ORC5: variants seen among roughly 807,000 people sequenced by gnomAD.
The protein encoded by ORC5 is origin recognition complex subunit 5, also known as protein phosphatase 1, regulatory subunit 117.
A neutral mutation model predicts 58.8 loss-of-function variants in ORC5; 39 were observed. The ratio of observed to expected loss-of-function variants is 0.66; its 90% CI spans 0.51 to 0.87. The LOEUF is 0.87. ORC5 is among the 40% of genes least tolerant of loss of function. ORC5 has a pLI of 0.00. For synonymous variants in ORC5, 218 were observed against 177.6 expected (o/e 1.23, Z -1.81); for missense variants, 493 against 506.3 (o/e 0.97, Z 0.25).
rs933709521 is a variant in ORC5, at chr7:104,138,367, T to C, written c.1150-1474A>G. 3.9e-5 allele frequency among the ~76,000 whole-genome samples: 6 copies of C among 152,196 alleles called. No individual in the cohort carries two copies. Among genetic ancestry groups the C allele is most frequent in the Non-Finnish European group, 8.8e-5 (6 of 68,022 alleles). The stretch of plus-strand genomic sequence containing the variant: ...ATATCTATCTAAATAACTCAGAATA[T>C]AAAATCTATACTCCTTTGGGTATAA... On this transcript the variant is annotated intron_variant, in intron 12 of 13. Coordinates refer to ENST00000297431, the MANE Select transcript of ORC5 (RefSeq NM_002553.4). The surrounding 1 kb of genome is among the most constrained non-coding windows in gnomAD (Gnocchi z 4.7).
Position 104,184,070 on chromosome 7 carries a change from CT to C in ORC5, c.734-38del, listed in dbSNP as rs763161122. The C allele has an allele frequency of 5.8e-5, 92 of 1,590,140 alleles. No individual in the cohort carries two copies. In the East Asian group the frequency reaches 2.1e-3, roughly 36 times the overall value. ...GGAAGAAAATTTCAGTAATTTATATCTTGTAAAAACCTTTCTCAAAATAAAT... is the reference window on the plus strand; with the variant it reads ...GGAAGAAAATTTCAGTAATTTATATCTGTAAAAACCTTTCTCAAAATAAAT... On this transcript the variant is annotated intron_variant, in intron 7 of 13. Coordinates refer to ENST00000297431, the MANE Select transcript of ORC5 (RefSeq NM_002553.4).
chr7:104,194,017 C>T (rs186818663), intron 5 of ORC5, among the ~76,000 whole-genome samples: 87 of 149,962 alleles, frequency 5.8e-4, no homozygotes, highest in East Asian at 4.1e-3. Context: ...TAATAATTTT[C>T]TTAAATTCTA....
intron 6 of ORC5, among the ~76,000 whole-genome samples, chr7:104,186,452 T>C (rs1438037075): frequency 6.6e-6 from 1 of 152,150 alleles, no homozygotes; most frequent in Non-Finnish European, 1.5e-5. Flanking sequence ...AAAATATGTT[T>C]AATAATTTAT....
At chr7:104,159,494 AAAAT>A (rs202094193) in intron 12 of ORC5, among the ~76,000 whole-genome samples, 2,589 of 150,886 alleles carry the variant, frequency 0.017, 74 homozygotes, top group African/African-American at 0.057. Flanking sequence ...AAAATAAAAT[AAAAT>A]AAATAAACTT....
At chr7:104,135,225 T>C (rs1798571408) in intron 13 of ORC5, among the ~76,000 whole-genome samples, 1 of 152,234 alleles carries the variant, frequency 6.6e-6, no homozygotes. Context: ...TCCAAATTTA[T>C]GCCTTGGATA....
chr7:104,201,627 TAA>T (rs59970161), intron 2 of ORC5, among the ~76,000 whole-genome samples: 14 of 131,364 alleles, frequency 1.1e-4, no homozygotes, highest in Admixed American at 1.6e-4. Context: ...CTGTCACTAT[TAA>T]AAAAAAAAAA....
chr7:104,167,689 G>A (rs1160788903), intron 9 of ORC5, among the ~76,000 whole-genome samples: 1 of 152,134 alleles, frequency 6.6e-6, no homozygotes, highest in Non-Finnish European at 1.5e-5. Flanking sequence ...CACTGTGTTA[G>A]GTGCTTTACT....
intron 8 of ORC5, among the ~76,000 whole-genome samples, chr7:104,178,102 G>A (rs961262822): frequency 6.6e-6 from 1 of 152,114 alleles, no homozygotes; most frequent in Non-Finnish European, 1.5e-5. Context: ...GGGATTGCTG[G>A]GTCAAATGGT....
chr7:104,166,826 A>T lies in ORC5; in HGVS notation c.936T>A (p.Ala312=). The change falls in exon 10 of 14, where the codon GCT becomes GCA. Residue 312 remains alanine, a synonymous_variant. Transcript: ENST00000297431. ...LPYYSKFILI[A]AYLASYNPAR... ...CTGGATTGTATGAAGCAAGGTATGC[A>T]GCAATTAGAATGAACTTAGAGTAAT... 1.9e-6 allele frequency: 3 copies of T among 1,613,264 alleles called. No individual in the cohort carries two copies. In the African/African-American group the frequency reaches 4.0e-5, roughly 21 times the overall value.
intron 12 of ORC5, among the ~76,000 whole-genome samples, chr7:104,140,898 A>G (rs1798663459): frequency 6.6e-6 from 1 of 152,208 alleles, no homozygotes; most frequent in Non-Finnish European, 1.5e-5. Flanking sequence ...CCTTTACTGA[A>G]AAGGTTTGCT....
intron 6 of ORC5, chr7:104,184,383 G>A: frequency 5.6e-6 from 3 of 533,994 alleles, no homozygotes; most frequent in Non-Finnish European, 9.9e-6. Context: ...AGGAGATCAA[G>A]CCTGTAGTGT....
intron 8 of ORC5, among the ~76,000 whole-genome samples, chr7:104,179,131 A>G (rs1423482299): frequency 7.0e-6 from 1 of 143,158 alleles, no homozygotes; most frequent in Admixed American, 7.0e-5. Context: ...TTTTTTTTTT[A>G]AGAGACAGGG....
intron 8 of ORC5, among the ~76,000 whole-genome samples, chr7:104,169,416 A>G (rs1052846903): frequency 6.6e-6 from 1 of 152,214 alleles, no homozygotes; most frequent in Non-Finnish European, 1.5e-5. Flanking sequence ...ATGACACGAC[A>G]AATTGAATTT....
intron 12 of ORC5, among the ~76,000 whole-genome samples, chr7:104,146,508 A>G (rs1349404510): frequency 6.6e-6 from 1 of 152,208 alleles, no homozygotes; most frequent in African/African-American, 2.4e-5. Flanking sequence ...ATACATGCAA[A>G]AATTTGGATG....
chr7:104,174,209 A>AT (rs1463184134), intron 8 of ORC5, among the ~76,000 whole-genome samples: 1 of 152,182 alleles, frequency 6.6e-6, no homozygotes, highest in Non-Finnish European at 1.5e-5. Flanking sequence ...TCTGTAAATA[A>AT]TTTAGCTTTT....
chr7:104,189,402 T>C (rs1799623322), intron 5 of ORC5, among the ~76,000 whole-genome samples: 3 of 152,068 alleles, frequency 2.0e-5, no homozygotes, highest in Admixed American at 1.3e-4. Context: ...ATCGCACCCA[T>C]GATTCAATTA....
At chr7:104,202,517 A>G (rs1261201621) in intron 2 of ORC5, 3 of 456,480 alleles carry the variant, frequency 6.6e-6, no homozygotes, top group African/African-American at 6.0e-5. Context: ...TTTTAAAGGC[A>G]GCATATTCTA....
At chr7:104,202,533 C>G (rs1237753055) in intron 2 of ORC5, 1 of 456,424 alleles carries the variant, frequency 2.2e-6, no homozygotes. Context: ...TTCTAAGTGC[C>G]TGTCTGAGTC....
chr7:104,183,515 G>A (rs1207829359), intron 8 of ORC5, among the ~76,000 whole-genome samples: 2 of 152,132 alleles, frequency 1.3e-5, no homozygotes, highest in African/African-American at 4.8e-5. Flanking sequence ...AGCCAAGAAA[G>A]GCCATGAAGG....
Sources: gnomAD v4.1 joint callset for allele counts (sites outside exome capture counted in the v4.1 genomes callset) on GRCh38, gnomAD v4.1.1 for gene constraint, Gnocchi (gnomAD v3.1) non-coding constraint, MANE v1.5 for transcripts, NCBI Gene and HGNC (gene_info 2026-07-23, HGNC 2026-07-21) for gene names.